The following DMD variants were observed in gnomAD, a reference collection of about 807,000 sequenced individuals.
DMD encodes mutant dystrophin.
In DMD, 63 loss-of-function variants were observed where a neutral mutation model predicts 330.1. The observed-to-expected ratio is 0.19, with a 90% CI of 0.16 to 0.24. The LOEUF (loss-of-function observed/expected upper bound fraction) is 0.24. Ranked by LOEUF, DMD falls within the 10% of genes least tolerant of loss-of-function variation. The probability of loss-of-function intolerance (pLI) is 1.00; values close to 1 mark genes in which losing one functional copy is unlikely to be tolerated. For synonymous variants in DMD, 1,223 were observed against 959.8 expected, an observed-to-expected ratio of 1.27 and a Z score of -5.07; for missense variants, 3,344 against 2,684.1, an observed-to-expected ratio of 1.25 and a Z score of -5.43.
At chrX:33,309,550 T>TTA in intron 1 of DMD, among the ~76,000 whole-genome samples, 1 of 111,359 alleles carries the variant, frequency 9.0e-6, no homozygotes, top group Non-Finnish European at 1.9e-5. Context: ...ATATCTATCT[T>TTA]TATATATATA....
intron 55 of DMD, among the ~76,000 whole-genome samples, chrX:31,530,671 A>G (rs866319060): frequency 1.8e-5 from 1 of 55,996 alleles, no homozygotes; most frequent in Non-Finnish European, 3.3e-5. Flanking sequence ...TTTTTTTTTA[A>G]TTTTTTTTTT....
At chrX:32,621,343 C>A (rs2057973217) in intron 11 of DMD, among the ~76,000 whole-genome samples, 1 of 111,343 alleles carries the variant, frequency 9.0e-6, no homozygotes, top group Non-Finnish European at 1.9e-5. Flanking sequence ...ATCTGTGGGT[C>A]CACAGAGATT....
At chrX:31,410,170 C>T (rs1307578271) in intron 60 of DMD, among the ~76,000 whole-genome samples, 3 of 112,211 alleles carry the variant, frequency 2.7e-5, no homozygotes, top group South Asian at 7.4e-4. Flanking sequence ...ATGTAAAGAA[C>T]ATGATCATAG....
intron 47 of DMD, among the ~76,000 whole-genome samples, chrX:31,908,081 A>T (rs2094499587): frequency 8.9e-6 from 1 of 112,107 alleles, no homozygotes; most frequent in South Asian, 3.7e-4. Context: ...GCTGGAGAGG[A>T]TGTGGAGAAA....
intron 48 of DMD, among the ~76,000 whole-genome samples, chrX:31,845,379 CTCTCTCTCTCTCT>C (rs2093402103): frequency 6.1e-5 from 2 of 32,753 alleles, no homozygotes; most frequent in African/African-American, 5.8e-4. Context: ...AATAAAGTCT[CTCTCTCTCTCTCT>C]CTCTCTCTCT....
At chrX:32,811,895 G>A (rs2077394334) in intron 6 of DMD, among the ~76,000 whole-genome samples, 1 of 112,006 alleles carries the variant, frequency 8.9e-6, no homozygotes, top group Admixed American at 9.5e-5. Context: ...GAGCGTTAGA[G>A]AATTAAAGTT....
At position 33,122,012 on chromosome X, in the gene DMD, G is replaced by A. The variant is rs192616024; in HGVS notation, c.31+89270C>T. On this transcript the variant is annotated intron_variant, in intron 1 of 78. Transcript: ENST00000357033. ...AGGCCGAGATGGGCAGATCACTTGA[G>A]GTCAGGAGTTCGAGACCAGCCTGGC... Among the ~76,000 whole-genome samples, 366 of 112,057 alleles carry A rather than the reference G, an allele frequency of 3.3e-3. 1 individual carries two copies. Among genetic ancestry groups the A allele is most frequent in the African/African-American group, 0.011 (343 of 30,832 alleles).
chrX:31,275,870 G>C (rs1415626924), intron 62 of DMD, among the ~76,000 whole-genome samples: 1 of 111,573 alleles, frequency 9.0e-6, no homozygotes, highest in African/African-American at 3.3e-5. Context: ...GGCCCTATTA[G>C]CTGTGCATTC....
intron 48 of DMD, among the ~76,000 whole-genome samples, chrX:31,873,182 C>T (rs1027308185): frequency 9.0e-6 from 1 of 111,529 alleles, no homozygotes; most frequent in Non-Finnish European, 1.9e-5. Flanking sequence ...TCAGACTGAA[C>T]CCAAGACTGT....
intron 44 of DMD, among the ~76,000 whole-genome samples, chrX:32,103,715 A>G (rs752879821): frequency 8.9e-6 from 1 of 112,374 alleles, no homozygotes; most frequent in Non-Finnish European, 1.9e-5. Context: ...AGATGTATGT[A>G]TAAGGAAGGC....
At chrX:32,590,644 T>C (rs913404089) in intron 13 of DMD, among the ~76,000 whole-genome samples, 3 of 111,921 alleles carry the variant, frequency 2.7e-5, no homozygotes, top group African/African-American at 9.7e-5. Flanking sequence ...CCTCTCCTCC[T>C]GCCCTCGGAC....
At chrX:31,981,215 G>A (rs1237445226) in intron 44 of DMD, among the ~76,000 whole-genome samples, 1 of 111,717 alleles carries the variant, frequency 9.0e-6, no homozygotes, top group East Asian at 2.8e-4. Flanking sequence ...AGGAACACAC[G>A]TGTGTATGTG....
At chrX:31,884,911 T>A (rs750375828) in intron 47 of DMD, among the ~76,000 whole-genome samples, 2 of 111,876 alleles carry the variant, frequency 1.8e-5, no homozygotes, top group Admixed American at 9.5e-5. Flanking sequence ...ATGTAATTTT[T>A]AATATTTTTG....
chrX:32,770,101 A>G (rs957678110), intron 7 of DMD, among the ~76,000 whole-genome samples: 1 of 112,095 alleles, frequency 8.9e-6, no homozygotes, highest in Non-Finnish European at 1.9e-5. Flanking sequence ...GAATGGGTAC[A>G]GAACACATGG....
intron 60 of DMD, among the ~76,000 whole-genome samples, chrX:31,410,847 T>C (rs1388757943): frequency 6.4e-5 from 7 of 109,098 alleles, no homozygotes; most frequent in African/African-American, 2.0e-4. Flanking sequence ...CAAGCGATTC[T>C]TCCACATCAG....
intron 44 of DMD, among the ~76,000 whole-genome samples, chrX:32,042,078 T>C (rs12847783): frequency 1.6e-4 from 13 of 82,484 alleles, no homozygotes; most frequent in Admixed American, 6.8e-4. Flanking sequence ...TACACATATA[T>C]ACACACACAC....
intron 2 of DMD, among the ~76,000 whole-genome samples, chrX:32,980,651 C>T (rs1336608634): frequency 9.1e-6 from 1 of 110,459 alleles, no homozygotes; most frequent in African/African-American, 3.3e-5. Flanking sequence ...TACAAGGAAA[C>T]AAATTTTCCG....
chrX:32,858,276 C>A (rs1005126453), intron 2 of DMD, among the ~76,000 whole-genome samples: 1 of 112,017 alleles, frequency 8.9e-6, no homozygotes, highest in Non-Finnish European at 1.9e-5. Context: ...CTAAAAATTC[C>A]TAGAGATTTT....
At chrX:31,840,549 CTTTTTTT>C (rs1207207240) in intron 48 of DMD, among the ~76,000 whole-genome samples, 1 of 76,406 alleles carries the variant, frequency 1.3e-5, no homozygotes, top group Non-Finnish European at 2.5e-5. Flanking sequence ...GCAGATACTG[CTTTTTTT>C]TTTTTTTTTT....
Sources: gnomAD v4.1 joint callset for allele counts (sites outside exome capture counted in the v4.1 genomes callset) on GRCh38, gnomAD v4.1.1 for gene constraint, MANE v1.5 for transcripts, NCBI Gene and HGNC (gene_info 2026-07-23, HGNC 2026-07-21) for gene names.